GSAP: variants seen among roughly 807,000 people sequenced by gnomAD.
GSAP encodes the protein gamma-secretase activating protein.
A neutral mutation model predicts 131.7 loss-of-function variants in GSAP; 118 were observed. That is an observed-to-expected ratio of 0.90 (90% CI 0.77 to 1.04). The LOEUF (loss-of-function observed/expected upper bound fraction) is 1.04. Among genes scored for constraint, GSAP ranks in the 50% least tolerant of loss-of-function variants. The pLI is 0.00. For missense variants in GSAP, 1,019 were observed against 1,013.2 expected (o/e 1.01, Z -0.08); for synonymous variants, 381 against 363.4 (o/e 1.05, Z -0.55).
At chr7:77,394,957 A>C (rs959525189) in intron 5 of GSAP, among the ~76,000 whole-genome samples, 1 of 152,218 alleles carries the variant, frequency 6.6e-6, no homozygotes, top group Admixed American at 6.5e-5. Flanking sequence ...CCAACACAAT[A>C]ACCAATAACG....
At chr7:77,365,979 T>C (rs993120663) in intron 12 of GSAP, among the ~76,000 whole-genome samples, 1 of 150,126 alleles carries the variant, frequency 6.7e-6, no homozygotes, top group African/African-American at 2.4e-5. Flanking sequence ...GTAACCTCTA[T>C]CTGCATTTCT....
intron 20 of GSAP, 82 bp from the exon 21 acceptor site, chr7:77,329,473 G>A: frequency 1.6e-6 from 1 of 632,392 alleles, no homozygotes; most frequent in Non-Finnish European, 2.8e-6. Flanking sequence ...ATGCAATACA[G>A]TTAAGAGCAT....
chr7:77,370,347 G>A (rs1450723087), intron 12 of GSAP, among the ~76,000 whole-genome samples: 1 of 152,146 alleles, frequency 6.6e-6, no homozygotes, highest in Non-Finnish European at 1.5e-5. Flanking sequence ...TGTAATCCCA[G>A]CTACTCGGAA....
rs570799989 is a variant in GSAP at position 77,326,229 on chromosome 7, G to A, written c.1810C>T (p.Arg604Trp). ...PLLQEEDSHQ[R>W]LLMGLMVSEL... ...CCACTTACCAGCCCCATGAGCAGCC[G>A]CTGGTGGCTGTCTTCCTCCTGCAGG... The change falls in exon 23 of 31, where the codon CGG becomes TGG. Residue 604 changes from arginine to tryptophan, a missense_variant. Coordinates refer to ENST00000257626, the MANE Select transcript of GSAP (RefSeq NM_017439.4). The A allele has an allele frequency of 2.9e-5, 46 of 1,612,516 alleles. No homozygotes were observed. Among genetic ancestry groups the A allele is most frequent in the South Asian group, 9.9e-5 (9 of 90,930 alleles).
intron 19 of GSAP, among the ~76,000 whole-genome samples, chr7:77,335,623 T>C (rs78456666): frequency 0.01 from 1,526 of 151,502 alleles, 22 homozygotes; most frequent in African/African-American, 0.035. Flanking sequence ...GATTGCCAAT[T>C]GATCCAAAAA....
At chr7:77,328,315 G>T (rs1788601737) in intron 22 of GSAP, 1 of 1,164,528 alleles carries the variant, frequency 8.6e-7, no homozygotes, top group African/African-American at 1.6e-5. Flanking sequence ...GCATCCTGTG[G>T]GCACAGCCAG....
intron 12 of GSAP, among the ~76,000 whole-genome samples, chr7:77,365,406 AC>A (rs2150941750): frequency 6.6e-6 from 1 of 152,044 alleles, no homozygotes; most frequent in South Asian, 2.1e-4. Flanking sequence ...TCTCAAGAAG[AC>A]CCCAGTGTCT....
intron 6 of GSAP, among the ~76,000 whole-genome samples, chr7:77,385,341 A>C (rs1798409369): frequency 6.6e-6 from 1 of 152,090 alleles, no homozygotes; most frequent in Non-Finnish European, 1.5e-5. Flanking sequence ...GCCACTTTTA[A>C]CTTTTTAAAA....
chr7:77,361,209 A>G (rs140567415), intron 13 of GSAP, among the ~76,000 whole-genome samples: 365 of 152,348 alleles, frequency 2.4e-3, no homozygotes, highest in African/African-American at 8.1e-3. Flanking sequence ...AGAGATGACC[A>G]CATGGCTCAT....
intron 19 of GSAP, among the ~76,000 whole-genome samples, chr7:77,344,535 G>T (rs1214294627): frequency 4.6e-5 from 7 of 152,060 alleles, no homozygotes; most frequent in Admixed American, 1.3e-4. Flanking sequence ...ACTATCTTCT[G>T]TCTAGTCATA....
intron 12 of GSAP, among the ~76,000 whole-genome samples, chr7:77,370,223 C>T (rs565317926): frequency 2.6e-5 from 4 of 152,246 alleles, no homozygotes; most frequent in African/African-American, 9.6e-5. Context: ...TTTGGGAAGC[C>T]AAGATGTGTG....
intron 12 of GSAP, among the ~76,000 whole-genome samples, chr7:77,363,776 T>TA (rs1794869316): frequency 6.6e-6 from 1 of 152,340 alleles, no homozygotes; most frequent in East Asian, 1.9e-4. Flanking sequence ...CTTCATCAGA[T>TA]AACATGGTAA....
chr7:77,343,452 G>C (rs1791316128), intron 19 of GSAP, among the ~76,000 whole-genome samples: 1 of 152,076 alleles, frequency 6.6e-6, no homozygotes, highest in Admixed American at 6.5e-5. Context: ...GCAAAAAGAG[G>C]TTTCCTCACT....
chr7:77,352,509 TC>T, intron 18 of GSAP, among the ~76,000 whole-genome samples: 1 of 152,324 alleles, frequency 6.6e-6, no homozygotes, highest in Non-Finnish European at 1.5e-5. Flanking sequence ...CTTTTACTGA[TC>T]CTGAAGCTCT....
In GSAP at chr7:77,377,237, T is replaced by TAAAAAAAAA. The variant is rs533755073; in HGVS notation, c.681+40_681+48dup. 323 of 894,164 alleles carry TAAAAAAAAA rather than the reference T, an allele frequency of 3.6e-4. 6 individuals carry two copies. Among genetic ancestry groups the TAAAAAAAAA allele is most frequent in the South Asian group, 5.6e-4 (16 of 28,610 alleles). 55.4% of individuals were successfully genotyped at this position (894,164 alleles called of 1,614,324 possible). ...GTCTCTAAAAAAATTAATATTTTTG[T>TAAAAAAAAA]AAAAAAAAAAAAAAAAAAAAAGGAG... On this transcript the variant is annotated intron_variant, in intron 9 of 30. Coordinates refer to ENST00000257626, the MANE Select transcript of GSAP (RefSeq NM_017439.4).
chr7:77,397,447 G>A (rs1800605149), intron 3 of GSAP, 32 bp from the exon 4 acceptor site: 1 of 1,156,464 alleles, frequency 8.6e-7, no homozygotes, highest in Non-Finnish European at 1.3e-6. Context: ...TTAATTTGAA[G>A]TTTCATACAT....
chr7:77,362,323 C>CA (rs1461118827), intron 13 of GSAP, among the ~76,000 whole-genome samples: 1 of 152,012 alleles, frequency 6.6e-6, no homozygotes, highest in African/African-American at 2.4e-5. Flanking sequence ...CCCATCTCCA[C>CA]AAAAAATACA....
intron 12 of GSAP, 115 bp downstream of exon 12, chr7:77,373,955 G>A (rs570476261): frequency 5.6e-5 from 38 of 683,392 alleles, no homozygotes; most frequent in South Asian, 4.1e-4. Context: ...TATGATCACC[G>A]ACATAAAAAT....
At chr7:77,361,302 C>G (rs535354900) in intron 13 of GSAP, among the ~76,000 whole-genome samples, 1 of 152,248 alleles carries the variant, frequency 6.6e-6, no homozygotes, top group East Asian at 1.9e-4. Flanking sequence ...CTTACAAATC[C>G]CACTTTTAGG....
Sources: allele counts gnomAD v4.1 joint callset (sites outside exome capture counted in the v4.1 genomes callset), GRCh38; gene constraint gnomAD v4.1.1; transcripts MANE v1.5; gene names NCBI Gene and HGNC (gene_info 2026-07-23, HGNC 2026-07-21).